SHROOM3: variants seen among roughly 807,000 people sequenced by gnomAD.
The protein encoded by SHROOM3 is shroom family member 3.
Under a neutral mutation model 138.6 loss-of-function variants are expected in SHROOM3, and 47 were observed. That is an observed-to-expected ratio of 0.34 (90% CI 0.27 to 0.43). The LOEUF is 0.43. SHROOM3 is among the 20% of genes least tolerant of loss of function. The probability of loss-of-function intolerance (pLI) is 1.00; values close to 1 mark genes in which losing one functional copy is unlikely to be tolerated. For missense variants in SHROOM3, 2,491 were observed against 2,596.5 expected, an observed-to-expected ratio of 0.96 and a Z score of 0.88; for synonymous variants, 1,062 against 1,063.3, an observed-to-expected ratio of 1.00 and a Z score of 0.02.
chr4:76,523,742 G>A (rs959666186), intron 1 of SHROOM3, among the ~76,000 whole-genome samples: 11 of 152,172 alleles, frequency 7.2e-5, no homozygotes, highest in South Asian at 2.1e-4. Flanking sequence ...ATTAGGAAGC[G>A]TTTCCATGAG....
At chr4:76,574,338 C>G (rs1030805306) in intron 2 of SHROOM3, among the ~76,000 whole-genome samples, 2 of 152,132 alleles carry the variant, frequency 1.3e-5, no homozygotes, top group African/African-American at 4.8e-5. Context: ...TGATCATGCC[C>G]AGGAACTTCT....
intron 1 of SHROOM3, among the ~76,000 whole-genome samples, chr4:76,459,398 TC>T (rs1731097076): frequency 6.6e-6 from 1 of 152,186 alleles, no homozygotes; most frequent in South Asian, 2.1e-4. Flanking sequence ...TGGGATTTTT[TC>T]CCCCTCTTGT....
At position 76,578,556 on chromosome 4, in the gene SHROOM3, G is replaced by A. The variant is rs560216909; in HGVS notation, c.323+22793G>A. ...ACACAGTTTTATTTCTTTCAGACTT[G>A]ATGCAACTATATCTGTTATCAGTTT... On this transcript the variant is annotated intron_variant, in intron 2 of 10. Coordinates refer to ENST00000296043, the MANE Select transcript of SHROOM3 (RefSeq NM_020859.4). Among the ~76,000 whole-genome samples, 214 of 152,268 alleles carry A rather than the reference G, an allele frequency of 1.4e-3. 1 individual carries two copies. The highest frequency in any genetic ancestry group is 6.8e-3 in the Middle Eastern group (2 of 294).
intron 9 of SHROOM3, among the ~76,000 whole-genome samples, chr4:76,766,339 G>A (rs377339145): frequency 7.9e-5 from 12 of 152,340 alleles, no homozygotes; most frequent in African/African-American, 2.2e-4. Context: ...GCCTGATGCC[G>A]AATGTTATGT....
intron 3 of SHROOM3, among the ~76,000 whole-genome samples, chr4:76,717,941 A>G (rs1207678794): frequency 6.6e-6 from 1 of 152,188 alleles, no homozygotes; most frequent in Non-Finnish European, 1.5e-5. Flanking sequence ...TTATCCATAT[A>G]TAATCTTGAT....
intron 2 of SHROOM3, among the ~76,000 whole-genome samples, chr4:76,579,370 AG>A (rs1734002274): frequency 6.6e-6 from 1 of 151,140 alleles, no homozygotes; most frequent in Non-Finnish European, 1.5e-5. Context: ...CGGGAGGCTG[AG>A]GCAGGAGAAT....
At chr4:76,686,167 C>T (rs1245490910) in intron 2 of SHROOM3, among the ~76,000 whole-genome samples, 1 of 152,016 alleles carries the variant, frequency 6.6e-6, no homozygotes, top group East Asian at 1.9e-4. Context: ...GTGCATGCCA[C>T]CACGCCTGGC....
intron 6 of SHROOM3, 36 bp from the exon 7 acceptor site, chr4:76,754,275 C>T: frequency 1.2e-6 from 2 of 1,613,864 alleles, no homozygotes; most frequent in Non-Finnish European, 1.7e-6. Flanking sequence ...CCCCTTTCTT[C>T]AGAGCTGTAA....
At chr4:76,661,003 C>T (rs1224014895) in intron 2 of SHROOM3, among the ~76,000 whole-genome samples, 1 of 151,502 alleles carries the variant, frequency 6.6e-6, no homozygotes, top group Non-Finnish European at 1.5e-5. Context: ...CTCACTGTTA[C>T]CCAAGCTTGT....
intron 1 of SHROOM3, among the ~76,000 whole-genome samples, chr4:76,481,566 A>C (rs1399664700): frequency 2.0e-5 from 3 of 152,122 alleles, no homozygotes; most frequent in Admixed American, 2.0e-4. Flanking sequence ...CAGAGGTACA[A>C]AGAGGAGCTG....
chr4:76,736,239 G>A (rs779204769), intron 4 of SHROOM3, among the ~76,000 whole-genome samples: 1 of 152,094 alleles, frequency 6.6e-6, no homozygotes, highest in Non-Finnish European at 1.5e-5. Context: ...AGGGTAGGGG[G>A]TAAAATCTTT....
At chr4:76,551,558 A>G (rs755709860) in intron 1 of SHROOM3, among the ~76,000 whole-genome samples, 3 of 152,198 alleles carry the variant, frequency 2.0e-5, no homozygotes, top group Non-Finnish European at 2.9e-5. Flanking sequence ...TTATTGAATG[A>G]ACGAACCAAT....
intron 3 of SHROOM3, among the ~76,000 whole-genome samples, chr4:76,720,151 G>GTT (rs59839066): frequency 8.3e-4 from 69 of 83,028 alleles, no homozygotes; most frequent in Non-Finnish European, 1.2e-3. Context: ...TGTTTTTTAG[G>GTT]TTTTTTTTTT....
At chr4:76,712,591 CTA>C (rs1165655361) in intron 3 of SHROOM3, among the ~76,000 whole-genome samples, 5 of 152,296 alleles carry the variant, frequency 3.3e-5, no homozygotes, top group African/African-American at 9.6e-5. Flanking sequence ...GCCGATGGCG[CTA>C]TGTCTGTATG....
chr4:76,576,532 G>A (rs55760818), intron 2 of SHROOM3, among the ~76,000 whole-genome samples: 17,501 of 151,994 alleles, frequency 0.12, 1,134 homozygotes, highest in African/African-American at 0.18. Flanking sequence ...GGGGAGGTAG[G>A]GATGGTTAAT....
intron 2 of SHROOM3, among the ~76,000 whole-genome samples, chr4:76,686,348 T>A (rs1719338416): frequency 6.6e-6 from 1 of 152,150 alleles, no homozygotes; most frequent in African/African-American, 2.4e-5. Flanking sequence ...AAGTATAACA[T>A]ATGTTACAAA....
At chr4:76,555,489 G>A (rs1733464380) in intron 1 of SHROOM3, 120 bp from the exon 2 acceptor site, 1 of 1,432,600 alleles carries the variant, frequency 7.0e-7, no homozygotes. Context: ...AAGCGCTGGG[G>A]TGTGGCCCTA....
At chr4:76,515,961 A>G (rs1028836804) in intron 1 of SHROOM3, among the ~76,000 whole-genome samples, 5 of 152,210 alleles carry the variant, frequency 3.3e-5, no homozygotes, top group African/African-American at 1.2e-4. Flanking sequence ...AACTGTTGAC[A>G]CAGGGCCTGG....
intron 2 of SHROOM3, among the ~76,000 whole-genome samples, chr4:76,667,288 C>T (rs1199599532): frequency 3.3e-5 from 5 of 152,060 alleles, no homozygotes; most frequent in South Asian, 2.1e-4. Context: ...TAAGATGGTT[C>T]ACTTTACATT....
Sources: gnomAD v4.1 joint callset for allele counts (sites outside exome capture counted in the v4.1 genomes callset) on GRCh38, gnomAD v4.1.1 for gene constraint, MANE v1.5 for transcripts, NCBI Gene and HGNC (gene_info 2026-07-23, HGNC 2026-07-21) for gene names.